The following ADAMTSL1 variants were observed in gnomAD, a reference collection of about 807,000 sequenced individuals.
The protein encoded by ADAMTSL1 is ADAMTS-like protein 1.
A neutral mutation model predicts 201.8 loss-of-function variants in ADAMTSL1; 126 were observed. The observed-to-expected ratio is 0.62, with a 90% CI of 0.54 to 0.72. ADAMTSL1 has a LOEUF of 0.72. ADAMTSL1 is among the 30% of genes least tolerant of loss of function. ADAMTSL1 has a pLI of 0.00. For synonymous variants in ADAMTSL1, 1,121 were observed against 903.4 expected, an observed-to-expected ratio of 1.24 and a Z score of -4.32; for missense variants, 2,679 against 2,277.8, an observed-to-expected ratio of 1.18 and a Z score of -3.59.
chr9:18,214,900 G>A (rs966730521), intron 2 of ADAMTSL1, among the ~76,000 whole-genome samples: 1 of 152,054 alleles, frequency 6.6e-6, no homozygotes, highest in African/African-American at 2.4e-5. Flanking sequence ...ACTTTCTGTA[G>A]ACATTATCTT....
chr9:18,230,652 C>T (rs146135846), intron 2 of ADAMTSL1, among the ~76,000 whole-genome samples: 21 of 152,184 alleles, frequency 1.4e-4, no homozygotes, highest in African/African-American at 5.1e-4. Context: ...TCCTGGGAGC[C>T]ATATGCATAT....
chr9:18,287,368 CACAT>C (rs1833032353), intron 2 of ADAMTSL1, among the ~76,000 whole-genome samples: 1 of 151,612 alleles, frequency 6.6e-6, no homozygotes, highest in African/African-American at 2.4e-5. Flanking sequence ...TACATATACA[CACAT>C]ACATGTATAT....
At chr9:18,205,747 A>T (rs1385898124) in intron 2 of ADAMTSL1, among the ~76,000 whole-genome samples, 1 of 152,070 alleles carries the variant, frequency 6.6e-6, no homozygotes, top group Non-Finnish European at 1.5e-5. Flanking sequence ...TAGGTTAAAG[A>T]GGCTTCTTCA....
intron 23 of ADAMTSL1, among the ~76,000 whole-genome samples, chr9:18,844,743 CG>C (rs1305416431): frequency 6.6e-6 from 1 of 152,138 alleles, no homozygotes; most frequent in Non-Finnish European, 1.5e-5. Flanking sequence ...TGGGCAATGG[CG>C]GGCGCCCCTC....
intron 8 of ADAMTSL1, among the ~76,000 whole-genome samples, chr9:18,661,449 C>A (rs1273802863): frequency 6.6e-6 from 1 of 152,110 alleles, no homozygotes; most frequent in East Asian, 1.9e-4. Flanking sequence ...TCTGGTGGAA[C>A]CTGATCCTGT....
rs569937446 is a variant in ADAMTSL1 at position 18,425,626 on chromosome 9, G to A, written c.208-79203G>A. On this transcript the variant is annotated intron_variant, in intron 2 of 29. Transcript: ENST00000680146. ...GCTACTCTGCTCAGGAGGCTGAGGA[G>A]GGAAGATGGCTTGAGGCCAGGAGTT... Among the ~76,000 whole-genome samples, 7 of 152,182 alleles carry A rather than the reference G, an allele frequency of 4.6e-5. No homozygotes were observed. The South Asian group carries it at 1.2e-3, about 27-fold the overall frequency.
chr9:18,380,540 T>C (rs529346995), intron 2 of ADAMTSL1, among the ~76,000 whole-genome samples: 1 of 152,300 alleles, frequency 6.6e-6, no homozygotes, highest in South Asian at 2.1e-4. Context: ...TATAAATAAT[T>C]TTTTACTCAT....
chr9:18,313,567 G>T lies in ADAMTSL1; in HGVS notation c.207+149586G>T, dbSNP rs1027044591. 3.3e-5 allele frequency among the ~76,000 whole-genome samples: 5 copies of T among 152,232 alleles called. No homozygotes were observed. In the South Asian group the frequency reaches 6.3e-4, roughly 19 times the overall value. ...TCTTTTTAAAAGCTCTCCAAGAAAA[G>T]GATAGTCTTTCCAACAGACAGTGTT... On this transcript the variant is annotated intron_variant, in intron 2 of 29. Transcript: ENST00000680146.
intron 14 of ADAMTSL1, among the ~76,000 whole-genome samples, chr9:18,714,741 C>G (rs528971107): frequency 1.5e-3 from 221 of 152,174 alleles, no homozygotes; most frequent in African/African-American, 5.0e-3. Context: ...CTCCCTAACT[C>G]ATTTGATGAG....
At position 18,777,341 on chromosome 9, in the gene ADAMTSL1, C is replaced by A; in HGVS notation, c.3112C>A (p.Leu1038Met). Residue 1038 changes from leucine (L) to methionine (M), a missense_variant, in exon 19 of 29, where the codon CTG (leucine) becomes ATG (methionine). By Grantham distance (15) the Leu-to-Met change is conservative (BLOSUM62 2). Coordinates refer to ENST00000380548, the MANE Select transcript of ADAMTSL1 (RefSeq NM_001040272.6). The part of the protein sequence containing the change: ...LLEQGGWPGE[L>M]LASWEAQDSA... ...GGAGCAGGGCGGCTGGCCCGGAGAG[C>A]TGCTGGCCTCGTGGGAGGCGCAGGA... The A allele has an allele frequency of 6.2e-7, 1 of 1,601,458 alleles. No homozygotes were observed. Among genetic ancestry groups the A allele is most frequent in the Non-Finnish European group, 8.5e-7 (1 of 1,174,444 alleles).
intron 3 of ADAMTSL1, among the ~76,000 whole-genome samples, chr9:18,559,601 G>A (rs1468826047): frequency 6.6e-6 from 1 of 151,994 alleles, no homozygotes; most frequent in Non-Finnish European, 1.5e-5. Context: ...CTTTGGGCAT[G>A]ATGGCCATTT....
intron 1 of ADAMTSL1, among the ~76,000 whole-genome samples, chr9:18,067,876 C>G (rs1336179869): frequency 2.6e-5 from 4 of 152,106 alleles, no homozygotes; most frequent in African/African-American, 7.2e-5. Context: ...TCTAGAGCCT[C>G]CTGGTAAGCT....
At chr9:17,922,861 T>C (rs956635940) in intron 1 of ADAMTSL1, among the ~76,000 whole-genome samples, 3 of 152,176 alleles carry the variant, frequency 2.0e-5, no homozygotes, top group Non-Finnish European at 4.4e-5. Context: ...TTCAGATGTT[T>C]AGGAATAGCC....
At position 18,721,567 on chromosome 9, in the gene ADAMTSL1, C is replaced by A; in HGVS notation, c.1908C>A (p.Asn636Lys). 1 of 1,613,986 alleles carries A rather than the reference C, an allele frequency of 6.2e-7. No individual in the cohort carries two copies. Among genetic ancestry groups the A allele is most frequent in the South Asian group, 1.1e-5 (1 of 91,086 alleles). The part of the protein sequence containing the change: ...GVQEAVVSCL[N>K]KQTREPAEEN... ...AGGAGGCTGTGGTGAGCTGCTTGAA[C>A]AAACAGACTCGGGAGCCTGCTGAGG... The change falls in exon 15 of 29, where the codon AAC becomes AAA. Residue 636 changes from asparagine (N) to lysine (K), a missense_variant. Physicochemically the swap from Asn to Lys is moderately conservative, Grantham distance 94. Transcript: ENST00000380548.
At chr9:18,110,231 G>A (rs1824945145) in intron 1 of ADAMTSL1, among the ~76,000 whole-genome samples, 1 of 152,144 alleles carries the variant, frequency 6.6e-6, no homozygotes, top group Admixed American at 6.5e-5. Flanking sequence ...GGATCTGAGG[G>A]CCGTTGGCTA....
intron 25 of ADAMTSL1, among the ~76,000 whole-genome samples, chr9:18,891,382 A>ATT (rs147740899): frequency 5.1e-4 from 77 of 152,142 alleles, no homozygotes; most frequent in African/African-American, 1.8e-3. Context: ...AAAGAGTGGG[A>ATT]TTTTTTTGTT....
At chr9:18,740,652 T>C (rs1310121202) in intron 15 of ADAMTSL1, among the ~76,000 whole-genome samples, 7 of 151,964 alleles carry the variant, frequency 4.6e-5, no homozygotes, top group Admixed American at 2.6e-4. Context: ...CATTTTTGTA[T>C]TTTTAATAGA....
At chr9:18,091,288 A>C (rs1824007507) in intron 1 of ADAMTSL1, among the ~76,000 whole-genome samples, 1 of 152,052 alleles carries the variant, frequency 6.6e-6, no homozygotes, top group Non-Finnish European at 1.5e-5. Flanking sequence ...ATGGTGTCTC[A>C]TCTTGGTAGT....
chr9:18,861,310 C>T (rs750463927), intron 23 of ADAMTSL1, among the ~76,000 whole-genome samples: 41 of 152,202 alleles, frequency 2.7e-4, no homozygotes, highest in South Asian at 1.2e-3. Flanking sequence ...AGCAGAACAG[C>T]ATGTGCTCTG....
Sources: allele counts gnomAD v4.1 joint callset (sites outside exome capture counted in the v4.1 genomes callset), GRCh38; gene constraint gnomAD v4.1.1; transcripts MANE v1.5; gene names NCBI Gene and HGNC (gene_info 2026-07-23, HGNC 2026-07-21).